The following ARHGEF3 variants were observed in gnomAD, a reference collection of about 807,000 sequenced individuals.
ARHGEF3 encodes Rho guanine nucleotide exchange factor 3.
Under a neutral mutation model 63.2 loss-of-function variants are expected in ARHGEF3, and 28 were observed. The ratio of observed to expected loss-of-function variants is 0.44; its 90% CI spans 0.33 to 0.61. The LOEUF (loss-of-function observed/expected upper bound fraction) is 0.61. Ranked by LOEUF, ARHGEF3 falls within the 20% of genes least tolerant of loss-of-function variation. ARHGEF3 has a pLI of 0.03. For synonymous variants in ARHGEF3, 266 were observed against 254.2 expected, an observed-to-expected ratio of 1.05 and a Z score of -0.44; for missense variants, 533 against 659.3, an observed-to-expected ratio of 0.81 and a Z score of 2.10.
chr3:56,773,604 G>T, intron 2 of ARHGEF3, 105 bp downstream of exon 2: 1 of 964,274 alleles, frequency 1.0e-6, no homozygotes, highest in Non-Finnish European at 1.5e-6. Context: ...AATAAGCATT[G>T]ATTCAGGTCA....
At chr3:56,778,089 C>T (rs1018624692) in intron 1 of ARHGEF3, among the ~76,000 whole-genome samples, 1 of 152,176 alleles carries the variant, frequency 6.6e-6, no homozygotes, top group Non-Finnish European at 1.5e-5. Context: ...TCATTGTCCT[C>T]ATGTTAAATA....
At chr3:57,052,153 T>C (rs1269989446) in intron 1 of ARHGEF3, among the ~76,000 whole-genome samples, 1 of 152,132 alleles carries the variant, frequency 6.6e-6, no homozygotes, top group Non-Finnish European at 1.5e-5. Context: ...GATCACCCAA[T>C]AAAGAAACGG....
intron 3 of ARHGEF3, among the ~76,000 whole-genome samples, chr3:56,908,135 A>G (rs1468121088): frequency 6.6e-6 from 1 of 152,216 alleles, no homozygotes; most frequent in Non-Finnish European, 1.5e-5. Context: ...TCCTGATGAC[A>G]AAGGATCAAC....
intron 2 of ARHGEF3, among the ~76,000 whole-genome samples, chr3:57,023,916 G>A (rs577555754): frequency 7.2e-5 from 11 of 152,328 alleles, no homozygotes; most frequent in Admixed American, 3.3e-4. Flanking sequence ...GTCGGCCTGT[G>A]CCATTCACAG....
chr3:56,889,957 A>G (rs769447816), intron 3 of ARHGEF3, among the ~76,000 whole-genome samples: 1 of 151,892 alleles, frequency 6.6e-6, no homozygotes, highest in Non-Finnish European at 1.5e-5. Context: ...AGCTATCCAG[A>G]AGGCTGAGGC....
chr3:56,954,085 G>A (rs1193216761), intron 3 of ARHGEF3, among the ~76,000 whole-genome samples: 1 of 152,100 alleles, frequency 6.6e-6, no homozygotes, highest in African/African-American at 2.4e-5. Flanking sequence ...CTTCTCAAAT[G>A]GACTAGACAA....
intron 2 of ARHGEF3, among the ~76,000 whole-genome samples, chr3:56,998,234 T>G (rs373835126): frequency 6.6e-6 from 1 of 152,094 alleles, no homozygotes; most frequent in Non-Finnish European, 1.5e-5. Context: ...AAACTCTCTC[T>G]GCACACACAC....
intron 3 of ARHGEF3, among the ~76,000 whole-genome samples, chr3:56,951,050 G>A (rs961340094): frequency 3.3e-5 from 5 of 151,634 alleles, no homozygotes; most frequent in African/African-American, 1.2e-4. Context: ...AACACGGCAT[G>A]TTCTCACTCA....
intron 4 of ARHGEF3, among the ~76,000 whole-genome samples, chr3:56,836,216 A>C (rs765400593): frequency 2.0e-5 from 3 of 151,924 alleles, no homozygotes; most frequent in Non-Finnish European, 4.4e-5. Flanking sequence ...TTCATGAAAA[A>C]CTCCTAATGA....
At chr3:56,759,071 C>T (rs1307856146) in intron 2 of ARHGEF3, among the ~76,000 whole-genome samples, 2 of 152,090 alleles carry the variant, frequency 1.3e-5, no homozygotes, top group African/African-American at 4.8e-5. Context: ...GTACAAATGC[C>T]CTCATTTCCC....
chr3:56,793,406 T>G (rs919093802), intron 1 of ARHGEF3, among the ~76,000 whole-genome samples: 1 of 152,148 alleles, frequency 6.6e-6, no homozygotes. Flanking sequence ...CCTGACCTCA[T>G]GATCCGCTCG....
chr3:56,966,047 C>T (rs569931131), intron 2 of ARHGEF3, among the ~76,000 whole-genome samples: 2 of 152,116 alleles, frequency 1.3e-5, no homozygotes, highest in African/African-American at 2.4e-5. Flanking sequence ...AGGAGATATA[C>T]ATGATATGAT....
intron 4 of ARHGEF3, among the ~76,000 whole-genome samples, chr3:56,751,705 C>A (rs1255500602): frequency 6.6e-6 from 1 of 152,084 alleles, no homozygotes; most frequent in Non-Finnish European, 1.5e-5. Flanking sequence ...AAAATGTTTT[C>A]AAAATCAAGA....
intron 3 of ARHGEF3, among the ~76,000 whole-genome samples, chr3:56,949,063 T>C (rs1699667673): frequency 6.6e-6 from 1 of 152,016 alleles, no homozygotes; most frequent in African/African-American, 2.4e-5. Context: ...AAAAGGCCTT[T>C]GACAAAATTC....
At chr3:56,848,016 A>G (rs1250764688) in intron 4 of ARHGEF3, among the ~76,000 whole-genome samples, 6 of 152,216 alleles carry the variant, frequency 3.9e-5, no homozygotes, top group Non-Finnish European at 8.8e-5. Flanking sequence ...TGGAGACATC[A>G]CGACTACAAT....
chr3:56,951,360 G>C (rs922484673), intron 3 of ARHGEF3, among the ~76,000 whole-genome samples: 10 of 151,778 alleles, frequency 6.6e-5, no homozygotes, highest in Non-Finnish European at 1.5e-4. Context: ...TGATCCATCA[G>C]CAGCCATCAT....
intron 3 of ARHGEF3, among the ~76,000 whole-genome samples, chr3:56,947,342 A>G (rs1400137374): frequency 6.6e-6 from 1 of 152,238 alleles, no homozygotes; most frequent in African/African-American, 2.4e-5. Context: ...CAAATTGGAT[A>G]AAGACTCAAG....
At chr3:56,755,390 T>C (rs577588597) in intron 2 of ARHGEF3, among the ~76,000 whole-genome samples, 2 of 152,306 alleles carry the variant, frequency 1.3e-5, no homozygotes, top group East Asian at 3.9e-4. Context: ...GGATACCAAG[T>C]GGACTATAGT....
chr3:57,062,337 G>A (rs1050118441), intron 1 of ARHGEF3, among the ~76,000 whole-genome samples: 1 of 152,164 alleles, frequency 6.6e-6, no homozygotes, highest in Non-Finnish European at 1.5e-5. Context: ...GCCTGGCAAG[G>A]GTGGCTTGTG....
Sources: allele counts gnomAD v4.1 joint callset (sites outside exome capture counted in the v4.1 genomes callset), GRCh38; gene constraint gnomAD v4.1.1; transcripts MANE v1.5; gene names NCBI Gene and HGNC (gene_info 2026-07-23, HGNC 2026-07-21).